Variants in TRHDE observed in about 807,000 individuals in gnomAD.
TRHDE encodes the protein thyrotropin releasing hormone degrading enzyme, also known as thyrotropin-releasing hormone-degrading ectoenzyme.
Under a neutral mutation model 125.7 loss-of-function variants are expected in TRHDE, and 72 were observed. The observed-to-expected ratio is 0.57, with a 90% confidence interval of 0.47 to 0.70. The LOEUF (loss-of-function observed/expected upper bound fraction) is 0.70. Ranked by LOEUF, TRHDE falls within the 30% of genes least tolerant of loss-of-function variation. The pLI, the probability that TRHDE is intolerant of heterozygous loss-of-function variation, is 0.00. For missense variants in TRHDE, 1,110 were observed against 1,327.1 expected (o/e 0.84, Z 2.54); for synonymous variants, 509 against 509.1 (o/e 1.00, Z 0.00).
intron 15 of TRHDE, among the ~76,000 whole-genome samples, chr12:72,636,655 C>G (rs1873768685): frequency 2.0e-5 from 3 of 152,104 alleles, no homozygotes; most frequent in Admixed American, 1.3e-4. Flanking sequence ...ATAGATAGCT[C>G]TTATTATTTT....
At chr12:72,402,909 A>G (rs879802620) in intron 3 of TRHDE, among the ~76,000 whole-genome samples, 2 of 152,206 alleles carry the variant, frequency 1.3e-5, no homozygotes, top group Non-Finnish European at 2.9e-5. Context: ...GTTGAGGACC[A>G]GCTCTAAGCT....
intron 1 of TRHDE, among the ~76,000 whole-genome samples, chr12:72,099,892 C>G (rs1175935091): frequency 6.6e-6 from 1 of 152,098 alleles, no homozygotes; most frequent in Non-Finnish European, 1.5e-5. Context: ...AATGGTAAGT[C>G]TTTAACAAGA....
chr12:72,523,201 T>G (rs1354832881), intron 6 of TRHDE, among the ~76,000 whole-genome samples: 1 of 152,094 alleles, frequency 6.6e-6, no homozygotes, highest in East Asian at 1.9e-4. Flanking sequence ...TTTTTTTTCT[T>G]TCTTACATTT....
Position 72,575,404 on chromosome 12 carries a change from G to C in TRHDE, c.2265+16G>C. The C allele has an allele frequency of 6.2e-7, 1 of 1,613,446 alleles. No individual in the cohort carries two copies. The highest frequency in any genetic ancestry group is 1.1e-5 in the South Asian group (1 of 91,066). On this transcript the variant is annotated intron_variant, in intron 11 of 18. Transcript: ENST00000261180. ...GAATCATGAGGTACACTCCAGATTTGCTTATCAAAGATAATTTTTGGTATG... is the reference window on the plus strand; with the variant it reads ...GAATCATGAGGTACACTCCAGATTTCCTTATCAAAGATAATTTTTGGTATG...
intron 2 of TRHDE, among the ~76,000 whole-genome samples, chr12:72,363,859 T>C (rs903543152): frequency 3.9e-5 from 6 of 152,014 alleles, no homozygotes; most frequent in Non-Finnish European, 7.4e-5. Context: ...CATGATTGTA[T>C]ATCTAGAAAA....
chr12:72,565,391 G>A (rs1408118745), intron 9 of TRHDE, among the ~76,000 whole-genome samples: 3 of 152,128 alleles, frequency 2.0e-5, no homozygotes. Flanking sequence ...TGTAATAGTT[G>A]TATTACAACA....
At chr12:72,259,214 C>T (rs10879387) in intron 2 of TRHDE, among the ~76,000 whole-genome samples, 69,424 of 151,924 alleles carry the variant, frequency 0.46, 19,929 homozygotes, top group African/African-American at 0.83. Context: ...TATTTACTTA[C>T]TATATAATTG....
intron 2 of TRHDE, among the ~76,000 whole-genome samples, chr12:72,172,960 G>C (rs1876905412): frequency 6.6e-6 from 1 of 152,152 alleles, no homozygotes; most frequent in African/African-American, 2.4e-5. Flanking sequence ...AGTGAGATGA[G>C]ATTAGTAGTC....
At chr12:72,148,245 A>C (rs1876273968) in intron 2 of TRHDE, among the ~76,000 whole-genome samples, 1 of 152,236 alleles carries the variant, frequency 6.6e-6, no homozygotes, top group African/African-American at 2.4e-5. Flanking sequence ...TGAGACCCTC[A>C]AGTGACTTTC....
chr12:72,438,157 G>A (rs183045971), intron 3 of TRHDE, among the ~76,000 whole-genome samples: 7 of 151,606 alleles, frequency 4.6e-5, no homozygotes, highest in Admixed American at 1.3e-4. Context: ...TATATACCAT[G>A]TTTTCTTTAT....
At chr12:72,619,742 A>G (rs1487056561) in intron 13 of TRHDE, among the ~76,000 whole-genome samples, 1 of 152,150 alleles carries the variant, frequency 6.6e-6, no homozygotes, top group African/African-American at 2.4e-5. Flanking sequence ...TGTGCCTTCC[A>G]TGATGTTTGA....
chr12:72,579,929 C>T (rs1413375589), intron 12 of TRHDE, among the ~76,000 whole-genome samples: 2 of 152,052 alleles, frequency 1.3e-5, no homozygotes, highest in Non-Finnish European at 2.9e-5. Context: ...TAACTGCTCT[C>T]TTTGTTCTTT....
At chr12:72,422,925 G>A (rs1874021784) in intron 3 of TRHDE, among the ~76,000 whole-genome samples, 1 of 151,964 alleles carries the variant, frequency 6.6e-6, no homozygotes, top group South Asian at 2.1e-4. Context: ...CTTGATCATG[G>A]ACTCCCCAGC....
intron 15 of TRHDE, among the ~76,000 whole-genome samples, chr12:72,635,342 T>C (rs916264189): frequency 6.6e-5 from 10 of 152,220 alleles, no homozygotes; most frequent in Non-Finnish European, 1.3e-4. Flanking sequence ...TACTTTTTGA[T>C]GGGGTTGCTT....
chr12:72,619,022 A>G lies in TRHDE; in HGVS notation c.2453A>G (p.Asn818Ser). The change falls in exon 13 of 19, where the codon AAC becomes AGC. Residue 818 changes from asparagine to serine, a missense_variant. Physicochemically the swap from Asn to Ser is conservative, Grantham distance 46. Coordinates refer to ENST00000261180, the MANE Select transcript of TRHDE (RefSeq NM_013381.3). ...GATAAATTACTGGACCGCATGGAAA[A>G]CTACAACATTTTCAATGTAAAAAGA... is the stretch of plus-strand genomic sequence containing the variant. ...PLDKLLDRME[N>S]YNIFNEYILK... 1 of 1,558,424 alleles carries G rather than the reference A, an allele frequency of 6.4e-7. No individual in the cohort carries two copies. Among genetic ancestry groups the G allele is most frequent in the Non-Finnish European group, 8.6e-7 (1 of 1,157,822 alleles).
At chr12:72,287,488 G>A (rs962987397) in intron 2 of TRHDE, among the ~76,000 whole-genome samples, 1 of 150,912 alleles carries the variant, frequency 6.6e-6, no homozygotes, top group African/African-American at 2.4e-5. Context: ...CACTGCCTTG[G>A]TCTTTCCCTT....
intron 2 of TRHDE, among the ~76,000 whole-genome samples, chr12:72,119,054 G>T (rs1875515743): frequency 6.6e-6 from 1 of 151,658 alleles, no homozygotes; most frequent in African/African-American, 2.4e-5. Context: ...TTTCTGTTCT[G>T]ATCTTTATTT....
At chr12:72,452,711 G>A (rs1215974531) in intron 3 of TRHDE, among the ~76,000 whole-genome samples, 1 of 152,052 alleles carries the variant, frequency 6.6e-6, no homozygotes. Flanking sequence ...GGATCATTTA[G>A]TACCATCCTC....
chr12:72,497,717 G>C (rs1877980443), intron 5 of TRHDE, among the ~76,000 whole-genome samples: 1 of 151,966 alleles, frequency 6.6e-6, no homozygotes, highest in African/African-American at 2.4e-5. Flanking sequence ...TCGTATATGT[G>C]CTTAAAAATA....
Sources: gnomAD v4.1 joint callset for allele counts (sites outside exome capture counted in the v4.1 genomes callset) on GRCh38, gnomAD v4.1.1 for gene constraint, MANE v1.5 for transcripts, NCBI Gene and HGNC (gene_info 2026-07-23, HGNC 2026-07-21) for gene names.